FSTL5: variants seen among roughly 807,000 people sequenced by gnomAD.
FSTL5 encodes the protein follistatin like 5.
Under a neutral mutation model 89.1 loss-of-function variants are expected in FSTL5, and 62 were observed. That is an observed-to-expected ratio of 0.70 (90% CI 0.57 to 0.86). The LOEUF is 0.86. Ranked by LOEUF, FSTL5 falls within the 40% of genes least tolerant of loss-of-function variation. FSTL5 has a pLI of 0.00. For missense variants in FSTL5, 1,057 were observed against 1,001.6 expected (o/e 1.06, Z -0.75); for synonymous variants, 383 against 346.2 (o/e 1.11, Z -1.18).
At chr4:161,622,615 C>T (rs1051829692) in intron 7 of FSTL5, among the ~76,000 whole-genome samples, 1 of 151,614 alleles carries the variant, frequency 6.6e-6, no homozygotes, top group Non-Finnish European at 1.5e-5. Flanking sequence ...TTAGTTTAAT[C>T]CTTGAAAACT....
At chr4:161,743,799 G>A (rs2126774481) in intron 6 of FSTL5, among the ~76,000 whole-genome samples, 2 of 152,268 alleles carry the variant, frequency 1.3e-5, no homozygotes, top group East Asian at 3.9e-4. Flanking sequence ...ATAAAATTAT[G>A]TATTCACAGA....
At chr4:162,118,230 T>G (rs1447051321) in intron 1 of FSTL5, among the ~76,000 whole-genome samples, 1 of 151,216 alleles carries the variant, frequency 6.6e-6, no homozygotes, top group African/African-American at 2.4e-5. Context: ...GAATTCTAAT[T>G]TAATATTTTT....
intron 7 of FSTL5, among the ~76,000 whole-genome samples, chr4:161,608,681 T>G (rs1200026949): frequency 1.3e-5 from 2 of 152,078 alleles, no homozygotes; most frequent in Non-Finnish European, 2.9e-5. Flanking sequence ...TACAATAATG[T>G]AAATATCTAT....
At chr4:161,752,375 T>C (rs1475644001) in intron 6 of FSTL5, among the ~76,000 whole-genome samples, 1 of 152,096 alleles carries the variant, frequency 6.6e-6, no homozygotes, top group Non-Finnish European at 1.5e-5. Context: ...CATAGAGGAG[T>C]TTTAGCTGTT....
intron 12 of FSTL5, among the ~76,000 whole-genome samples, chr4:161,484,740 T>C (rs571051159): frequency 6.6e-6 from 1 of 152,310 alleles, no homozygotes; most frequent in Non-Finnish European, 1.5e-5. Context: ...GAGCTTACTA[T>C]GTGAAGAATA....
intron 4 of FSTL5, among the ~76,000 whole-genome samples, chr4:161,865,280 G>T (rs181409711): frequency 6.6e-6 from 1 of 152,238 alleles, no homozygotes; most frequent in Admixed American, 6.5e-5. Context: ...CTTCTACAGA[G>T]AAATAATTGT....
chr4:161,422,700 C>A (rs1408947474), intron 15 of FSTL5, among the ~76,000 whole-genome samples: 1 of 152,150 alleles, frequency 6.6e-6, no homozygotes, highest in African/African-American at 2.4e-5. Flanking sequence ...GCATTCCCTG[C>A]AGGACACCTA....
At chr4:161,832,267 GCAGTGA>G in intron 4 of FSTL5, among the ~76,000 whole-genome samples, 1 of 152,158 alleles carries the variant, frequency 6.6e-6, no homozygotes, top group East Asian at 1.9e-4. Context: ...ATAGGACAGT[GCAGTGA>G]TATTTTTTGG....
At chr4:161,684,956 T>A (rs1737663256) in intron 6 of FSTL5, among the ~76,000 whole-genome samples, 1 of 152,204 alleles carries the variant, frequency 6.6e-6, no homozygotes. Context: ...TCCAGTTTCA[T>A]TCTCCTACAT....
At chr4:161,792,858 A>G (rs942047924) in intron 4 of FSTL5, among the ~76,000 whole-genome samples, 1 of 152,112 alleles carries the variant, frequency 6.6e-6, no homozygotes, top group Admixed American at 6.5e-5. Context: ...AAATGGAGGG[A>G]CTTAAAAGAG....
intron 1 of FSTL5, among the ~76,000 whole-genome samples, chr4:162,135,975 G>A (rs1262315134): frequency 6.6e-6 from 1 of 151,752 alleles, no homozygotes; most frequent in Non-Finnish European, 1.5e-5. Context: ...CGCTTTTCAT[G>A]CACTCTTGTG....
intron 9 of FSTL5, among the ~76,000 whole-genome samples, chr4:161,539,303 C>T (rs1176087492): frequency 6.6e-6 from 1 of 151,814 alleles, no homozygotes. Flanking sequence ...TAGAAGGCAA[C>T]GTAATCAGTG....
intron 6 of FSTL5, among the ~76,000 whole-genome samples, chr4:161,735,260 C>T (rs1024726244): frequency 5.9e-5 from 9 of 152,104 alleles, no homozygotes; most frequent in Admixed American, 1.3e-4. Context: ...GGGGAAGGCG[C>T]GAGAAGGTTC....
chr4:161,809,036 G>C (rs958485530), intron 4 of FSTL5, among the ~76,000 whole-genome samples: 1 of 152,146 alleles, frequency 6.6e-6, no homozygotes, highest in Non-Finnish European at 1.5e-5. Context: ...GGCTAACACA[G>C]TGAAACCCCG....
At chr4:162,119,517 A>G (rs1015774920) in intron 1 of FSTL5, among the ~76,000 whole-genome samples, 1 of 152,202 alleles carries the variant, frequency 6.6e-6, no homozygotes, top group African/African-American at 2.4e-5. Context: ...GTTCTTTTTT[A>G]CAGAGGATTT....
intron 15 of FSTL5, among the ~76,000 whole-genome samples, chr4:161,400,195 A>G (rs1278041085): frequency 1.3e-5 from 2 of 152,092 alleles, no homozygotes; most frequent in South Asian, 2.1e-4. Flanking sequence ...GTTCAAACCT[A>G]TATTATTCAG....
At chr4:161,859,731 G>A (rs1451209972) in intron 4 of FSTL5, among the ~76,000 whole-genome samples, 6 of 152,124 alleles carry the variant, frequency 3.9e-5, no homozygotes, top group Admixed American at 2.6e-4. Flanking sequence ...TAGAAGGGAG[G>A]TATAGCAACC....
chr4:162,159,584 T>C (rs1010472212), intron 1 of FSTL5, among the ~76,000 whole-genome samples: 4 of 152,026 alleles, frequency 2.6e-5, no homozygotes, highest in Non-Finnish European at 2.9e-5. Flanking sequence ...TTTTACCACA[T>C]TTATGTGTGA....
At chr4:161,665,141 A>G (rs554483673) in intron 6 of FSTL5, among the ~76,000 whole-genome samples, 2 of 152,354 alleles carry the variant, frequency 1.3e-5, no homozygotes, top group East Asian at 1.9e-4. Context: ...CAATTTACCA[A>G]TGTAACAAAC....
Sources: allele counts gnomAD v4.1 joint callset (sites outside exome capture counted in the v4.1 genomes callset), GRCh38; gene constraint gnomAD v4.1.1; transcripts MANE v1.5; gene names NCBI Gene and HGNC (gene_info 2026-07-23, HGNC 2026-07-21).